Variants in NFIC observed in about 807,000 individuals in gnomAD.
NFIC encodes nuclear factor I C, also known as nuclear factor 1 C-type.
A neutral mutation model predicts 54.4 loss-of-function variants in NFIC; 12 were observed. The ratio of observed to expected loss-of-function variants is 0.22; its 90% CI spans 0.14 to 0.36. The LOEUF is 0.36. Ranked by LOEUF, NFIC falls within the 10% of genes least tolerant of loss-of-function variation. The pLI is 1.00. For missense variants in NFIC, 575 were observed against 718.2 expected (o/e 0.80, Z 2.28); for synonymous variants, 322 against 319.2 (o/e 1.01, Z -0.09).
At chr19:3,454,821 C>T (rs958575481) in intron 9 of NFIC, among the ~76,000 whole-genome samples, 2 of 151,966 alleles carry the variant, frequency 1.3e-5, no homozygotes, top group Non-Finnish European at 2.9e-5. Flanking sequence ...GCCCTCAGCT[C>T]CTCTTCTCCC....
At chr19:3,424,152 TGAGTAGCTGGGATTCCAG>T (rs1450656234) in intron 2 of NFIC, among the ~76,000 whole-genome samples, 26 of 150,834 alleles carry the variant, frequency 1.7e-4, no homozygotes, top group African/African-American at 5.6e-4. Flanking sequence ...CTCAGCCTCC[TGAGTAGCTGGGATTCCAG>T]GAGCGTGCCA....
At chr19:3,363,076 G>A (rs923293499), upstream of NFIC, among the ~76,000 whole-genome samples, 3 of 151,788 alleles carry the variant, frequency 2.0e-5, no homozygotes, top group Admixed American at 6.6e-5. Flanking sequence ...GTGGAACCCC[G>A]CTCCAGAATG....
chr19:3,417,624 C>CTTTTTTTT (rs757954619), intron 2 of NFIC, among the ~76,000 whole-genome samples: 2 of 121,640 alleles, frequency 1.6e-5, no homozygotes, highest in African/African-American at 3.2e-5. Flanking sequence ...TTTTTCTTTT[C>CTTTTTTTT]TTTTTTTTTT....
At chr19:3,385,569 T>G (rs963493648) in intron 2 of NFIC, among the ~76,000 whole-genome samples, 27 of 135,766 alleles carry the variant, frequency 2.0e-4, no homozygotes, top group African/African-American at 6.4e-4. Context: ...TTTTGGTTGT[T>G]GTTGTTTTTT....
chr19:3,457,075 G>A (rs1195834824), intron 10 of NFIC, among the ~76,000 whole-genome samples: 1 of 152,174 alleles, frequency 6.6e-6, no homozygotes, highest in Non-Finnish European at 1.5e-5. Context: ...GTGGCCGGGG[G>A]AAACTGAGGC....
intron 2 of NFIC, among the ~76,000 whole-genome samples, chr19:3,417,077 G>C (rs539940785): frequency 2.7e-5 from 4 of 150,728 alleles, no homozygotes; most frequent in Admixed American, 6.6e-5. Context: ...AGTAGAGATG[G>C]GGTTTCACCA....
intron 9 of NFIC, 129 bp from the exon 10 acceptor site, chr19:3,456,421 G>A: frequency 1.2e-6 from 1 of 829,396 alleles, no homozygotes; most frequent in Non-Finnish European, 1.9e-6. Context: ...CAGGCTCGGA[G>A]GCCCCAGGCA....
intron 6 of NFIC, among the ~76,000 whole-genome samples, chr19:3,437,554 T>C (rs1445381390): frequency 1.3e-5 from 2 of 151,846 alleles, no homozygotes; most frequent in East Asian, 1.9e-4. Flanking sequence ...TTTGTTGTTT[T>C]TGTTTTGAGA....
rs368693237 is a variant in NFIC at position 3,398,570 on chromosome 19, G to A, written c.562+16327G>A. On this transcript the variant is annotated intron_variant, in intron 2 of 10. Transcript: ENST00000443272. ...CCATCACCTTCTTCTGCCTGGGAGG[G>A]GGTTGTGCTGTCTCTGGGAATCCCA... Among the ~76,000 whole-genome samples, 4 of 152,240 alleles carry A rather than the reference G, an allele frequency of 2.6e-5. 1 individual carries two copies. Among genetic ancestry groups the A allele is most frequent in the African/African-American group, 9.6e-5 (4 of 41,552 alleles).
At chr19:3,421,468 G>A (rs908736674) in intron 2 of NFIC, among the ~76,000 whole-genome samples, 3 of 152,240 alleles carry the variant, frequency 2.0e-5, no homozygotes, top group African/African-American at 2.4e-5. Context: ...CCCAGCCTGG[G>A]ATCGGCTGCA....
At chr19:3,460,513 T>G (rs1038809970) in intron 10 of NFIC, among the ~76,000 whole-genome samples, 5 of 151,986 alleles carry the variant, frequency 3.3e-5, no homozygotes, top group Non-Finnish European at 7.4e-5. Context: ...TGTTTTTTTT[T>G]GGTTTTTTTG....
intron 3 of NFIC, among the ~76,000 whole-genome samples, chr19:3,428,845 C>G (rs1435258067): frequency 1.3e-5 from 2 of 151,884 alleles, no homozygotes; most frequent in Non-Finnish European, 2.9e-5. Flanking sequence ...CGTGCTGACA[C>G]CAGCTGGCCA....
At position 3,456,533 on chromosome 19, in the gene NFIC, C is replaced by T. The variant is rs1376046329; in HGVS notation, c.1424-17C>T. 6.4e-7 allele frequency: 1 copy of T among 1,550,892 alleles called. No individual in the cohort carries two copies. Among genetic ancestry groups the T allele is most frequent in the South Asian group, 1.2e-5 (1 of 84,066 alleles). Reference sequence around the variant, plus strand: ...AACCCCTCGCTAACGGGCTCTCGGTCTCTCTCCTCCCTGCAGCCTACTCTC... The same window carrying T: ...AACCCCTCGCTAACGGGCTCTCGGTTTCTCTCCTCCCTGCAGCCTACTCTC... On this transcript the variant is annotated splice_polypyrimidine_tract_variant and intron_variant, in intron 9 of 10. Transcript: ENST00000443272.
chr19:3,461,594 G>A (rs192916811), intron 10 of NFIC, among the ~76,000 whole-genome samples: 16 of 150,362 alleles, frequency 1.1e-4, no homozygotes, highest in Middle Eastern at 3.6e-3. Flanking sequence ...GTGGTGGGGC[G>A]GGCCTGTAAT....
intron 2 of NFIC, among the ~76,000 whole-genome samples, chr19:3,398,577 G>A (rs932877012): frequency 2.0e-5 from 3 of 152,110 alleles, no homozygotes; most frequent in African/African-American, 7.2e-5. Context: ...AGGGGGTTGT[G>A]CTGTCTCTGG....
intron 2 of NFIC, among the ~76,000 whole-genome samples, chr19:3,383,742 C>T (rs918491432): frequency 2.6e-5 from 4 of 152,140 alleles, no homozygotes; most frequent in Admixed American, 6.5e-5. Flanking sequence ...AGACGCAGAC[C>T]CACACAGGTC....
At chr19:3,366,556 C>CGGGGGGGGGGGGGGGGGGGGGGGGGG, upstream of NFIC, 1 of 490,742 alleles carries the variant, frequency 2.0e-6, no homozygotes, top group Non-Finnish European at 2.9e-6. Flanking sequence ...TTGGGGGGGG[C>CGGGGGGGGGGGGGGGGGGGGGGGGGG]GGGGGGGTGG....
At position 3,453,572 on chromosome 19, in the gene NFIC, C is replaced by T. The variant is rs948706594; in HGVS notation, c.1270-191C>T. Among the ~76,000 whole-genome samples the T allele has an allele frequency of 2.0e-5, 3 of 152,076 alleles. No individual in the cohort carries two copies. The highest frequency in any genetic ancestry group is 7.2e-5 in the African/African-American group (3 of 41,402). ...CCGGGCTTTGAGTGACACCAGCAAGCGGGTGTCCCCAGGCCCCTCCACCTC... is the reference window on the plus strand; with the variant it reads ...CCGGGCTTTGAGTGACACCAGCAAGTGGGTGTCCCCAGGCCCCTCCACCTC... On this transcript the variant is annotated intron_variant, in intron 8 of 10. Coordinates refer to ENST00000443272, the MANE Select transcript of NFIC (RefSeq NM_001245002.2). The surrounding 1 kb of genome is among the most constrained non-coding windows in gnomAD (Gnocchi z 6.7).
intron 2 of NFIC, among the ~76,000 whole-genome samples, chr19:3,419,091 G>A (rs978308672): frequency 6.6e-6 from 1 of 152,084 alleles, no homozygotes; most frequent in South Asian, 2.1e-4. Context: ...GGGACGGGGA[G>A]TGAGTGTTTC....
Sources: allele counts gnomAD v4.1 joint callset (sites outside exome capture counted in the v4.1 genomes callset), GRCh38; gene constraint gnomAD v4.1.1; non-coding constraint Gnocchi (gnomAD v3.1); transcripts MANE v1.5; gene names NCBI Gene and HGNC (gene_info 2026-07-23, HGNC 2026-07-21).